Variants in PDCD6IP observed in about 807,000 individuals in gnomAD.
PDCD6IP encodes programmed cell death 6 interacting protein.
PDCD6IP carries 43 observed loss-of-function variants against 103.7 expected under a neutral mutation model. The ratio of observed to expected loss-of-function variants is 0.41; its 90% CI spans 0.32 to 0.53. The LOEUF is 0.53. Ranked by LOEUF, PDCD6IP falls within the 20% of genes least tolerant of loss-of-function variation. PDCD6IP has a pLI of 0.16. For missense variants in PDCD6IP, 871 were observed against 1,036.7 expected (o/e 0.84, Z 2.20); for synonymous variants, 354 against 378.7 (o/e 0.93, Z 0.76).
At position 33,845,469 on chromosome 3, in the gene PDCD6IP, C is replaced by G. The variant is rs1388665557; in HGVS notation, c.1522C>G (p.Gln508Glu). Residue 508 changes from glutamine (Q) to glutamate (E), a missense_variant, in exon 12 of 18, where the codon CAA (glutamine) becomes GAA (glutamate). Physicochemically the swap from Gln to Glu is conservative, Grantham distance 29 (BLOSUM62 2). Transcript: ENST00000307296. ...VLDKAVQADG[Q>E]VKECYQSHRD... ...AGATAAAGCTGTGCAGGCAGATGGA[C>G]AAGTGAAAGAATGTTACCAGTCTCA... The G allele has an allele frequency of 6.2e-7, 1 of 1,613,888 alleles. No homozygotes were observed. The highest frequency in any genetic ancestry group is 1.1e-5 in the South Asian group (1 of 91,060).
chr3:33,864,634 A>T (rs1698025622), intron 16 of PDCD6IP, among the ~76,000 whole-genome samples: 1 of 152,170 alleles, frequency 6.6e-6, no homozygotes, highest in East Asian at 1.9e-4. Context: ...TTTGGAGTGG[A>T]TATTTGATGA....
In PDCD6IP at chr3:33,825,347, C is replaced by G. The variant is rs756828896; in HGVS notation, c.616+7C>G. The G allele has an allele frequency of 6.3e-7, 1 of 1,583,568 alleles. No homozygotes were observed. Among genetic ancestry groups the G allele is most frequent in the South Asian group, 1.2e-5 (1 of 85,038 alleles). On this transcript the variant is annotated splice_region_variant and intron_variant, in intron 5 of 17. Transcript: ENST00000307296. The stretch of plus-strand genomic sequence containing the variant: ...TTTTTAAAAGCCACAAGAGGTAACT[C>G]CAATTTATCTTTTTGTTGCATGTGA...
chr3:33,803,274 A>T (rs997618624), intron 1 of PDCD6IP, among the ~76,000 whole-genome samples: 1 of 152,208 alleles, frequency 6.6e-6, no homozygotes, highest in Non-Finnish European at 1.5e-5. Context: ...GGTATATGGG[A>T]GTACTTTATT....
rs771342741 is a variant in PDCD6IP, at chr3:33,826,688, TAG to T, written c.717+111_717+112del. 13 of 1,498,824 alleles carry T rather than the reference TAG, an allele frequency of 8.7e-6. No homozygotes were observed. The Admixed American group carries it at 2.7e-4, about 31-fold the overall frequency. The allele number at this position is 1,498,824 out of a possible 1,614,324, so 92.8% of individuals were successfully genotyped here. A position where few individuals can be genotyped will look rare whatever the true frequency, so the allele number is the denominator to read the frequency against. ...CTTATAAAGAAATTTGAAGTTTTAA[TAG>T]AGTTATCTGAAGTATATAGTAGAAA... is the stretch of plus-strand genomic sequence containing the variant. On this transcript the variant is annotated intron_variant, in intron 6 of 17. Transcript: ENST00000307296.
intron 16 of PDCD6IP, among the ~76,000 whole-genome samples, chr3:33,864,407 C>T (rs1357139839): frequency 6.6e-6 from 1 of 151,950 alleles, no homozygotes; most frequent in Non-Finnish European, 1.5e-5. Context: ...TATTAGGAAA[C>T]AATTGGACAA....
intron 4 of PDCD6IP, 63 bp downstream of exon 4, chr3:33,822,145 T>C: frequency 1.3e-6 from 2 of 1,550,080 alleles, no homozygotes; most frequent in South Asian, 1.1e-5. Context: ...TGGAAAATAA[T>C]TTGCATTTAG....
intron 3 of PDCD6IP, among the ~76,000 whole-genome samples, chr3:33,814,547 ATATATG>A (rs1329932389): frequency 7.0e-6 from 1 of 143,572 alleles, no homozygotes; most frequent in Non-Finnish European, 1.5e-5. Flanking sequence ...TGTATATGTG[ATATATG>A]TATATTTCAT....
chr3:33,808,129 T>C (rs1033815370), intron 1 of PDCD6IP, among the ~76,000 whole-genome samples: 2 of 152,244 alleles, frequency 1.3e-5, no homozygotes, highest in Non-Finnish European at 2.9e-5. Flanking sequence ...TTTGCTTTCA[T>C]GGAATTTAGA....
chr3:33,820,656 A>G (rs1696970859), intron 3 of PDCD6IP, among the ~76,000 whole-genome samples: 1 of 152,176 alleles, frequency 6.6e-6, no homozygotes, highest in Non-Finnish European at 1.5e-5. Context: ...GAATCATACA[A>G]TATTTGTCTT....
Position 33,866,348 on chromosome 3 carries a change from C to G in PDCD6IP, c.2433-3C>G. 1.3e-6 allele frequency: 2 copies of G among 1,507,244 alleles called. No homozygotes were observed. Among genetic ancestry groups the G allele is most frequent in the South Asian group, 1.3e-5 (1 of 74,968 alleles). The allele number at this position is 1,507,244 out of a possible 1,614,324, so 93.4% of individuals were successfully genotyped here. On this transcript the variant is annotated splice_region_variant and splice_polypyrimidine_tract_variant and intron_variant, in intron 17 of 17. Transcript: ENST00000307296. ...TCAAGATTTTTCTGTTTTCTTCTAT[C>G]AGGTATTGCCAAATGCCCATGCCCA...
chr3:33,851,671 C>T (rs945289095), intron 12 of PDCD6IP, among the ~76,000 whole-genome samples: 2 of 151,748 alleles, frequency 1.3e-5, no homozygotes, highest in African/African-American at 2.4e-5. Flanking sequence ...TGGGGTCTCA[C>T]TTTGTTGCCT....
chr3:33,839,416 A>G (rs894891727), intron 9 of PDCD6IP, among the ~76,000 whole-genome samples: 2 of 152,114 alleles, frequency 1.3e-5, no homozygotes, highest in African/African-American at 4.8e-5. Flanking sequence ...TATGTGTATC[A>G]GTTTCAGTCT....
intron 10 of PDCD6IP, among the ~76,000 whole-genome samples, chr3:33,843,346 A>T (rs1022960538): frequency 6.6e-6 from 1 of 152,150 alleles, no homozygotes; most frequent in African/African-American, 2.4e-5. Context: ...TTCATGTTCT[A>T]AATTCACAAT....
At chr3:33,860,757 T>C (rs957580695) in intron 15 of PDCD6IP, among the ~76,000 whole-genome samples, 4 of 152,242 alleles carry the variant, frequency 2.6e-5, no homozygotes, top group Admixed American at 2.6e-4. Context: ...TTTTATTATG[T>C]GAATGTACAA....
At chr3:33,810,384 T>G (rs1696689791) in intron 1 of PDCD6IP, among the ~76,000 whole-genome samples, 1 of 152,212 alleles carries the variant, frequency 6.6e-6, no homozygotes, top group Non-Finnish European at 1.5e-5. Context: ...GTCCTCATCA[T>G]TTTTTGAGTA....
intron 3 of PDCD6IP, among the ~76,000 whole-genome samples, chr3:33,820,580 C>T (rs1490699124): frequency 6.6e-6 from 1 of 152,124 alleles, no homozygotes; most frequent in African/African-American, 2.4e-5. Context: ...TACCACCATC[C>T]CTGATAACCA....
At position 33,841,146 on chromosome 3, in the gene PDCD6IP, G is replaced by C. The variant is rs187989352; in HGVS notation, c.1182-751G>C. On this transcript the variant is annotated intron_variant, in intron 9 of 17. Transcript: ENST00000307296. ...GGCTTCAGGTGATTCTTGTGCCTCA[G>C]CCTCCCAAGTAGCTGGGATTATAGG... Among the ~76,000 whole-genome samples, 3 of 151,182 alleles carry C rather than the reference G, an allele frequency of 2.0e-5. No individual in the cohort carries two copies. The East Asian group carries it at 5.9e-4, about 30-fold the overall frequency.
At chr3:33,818,857 T>G (rs1228826220) in intron 3 of PDCD6IP, among the ~76,000 whole-genome samples, 1 of 152,116 alleles carries the variant, frequency 6.6e-6, no homozygotes, top group Non-Finnish European at 1.5e-5. Flanking sequence ...TGATGAAAAG[T>G]CTGATTTTTG....
chr3:33,861,183 C>T (rs573534705), intron 15 of PDCD6IP, among the ~76,000 whole-genome samples: 7 of 149,918 alleles, frequency 4.7e-5, no homozygotes, highest in South Asian at 2.1e-4. Flanking sequence ...CTTGCTCTGT[C>T]GCTCAGGCTG....
Sources: gnomAD v4.1 joint callset for allele counts (sites outside exome capture counted in the v4.1 genomes callset) on GRCh38, gnomAD v4.1.1 for gene constraint, MANE v1.5 for transcripts, NCBI Gene and HGNC (gene_info 2026-07-23, HGNC 2026-07-21) for gene names.